Variants in GPC3 observed in about 807,000 individuals in gnomAD.
The protein encoded by GPC3 is glypican 3, also known as glypican-3.
GPC3 carries 3 observed loss-of-function variants against 34.4 expected under a neutral mutation model. That is an observed-to-expected ratio of 0.09 (90% confidence interval 0.04 to 0.23). The LOEUF (loss-of-function observed/expected upper bound fraction) is 0.23. Among genes scored for constraint, GPC3 ranks in the 10% least tolerant of loss-of-function variants. GPC3 has a pLI of 1.00. For synonymous variants in GPC3, 177 were observed against 174.0 expected, an observed-to-expected ratio of 1.02 and a Z score of -0.13; for missense variants, 351 against 445.6, an observed-to-expected ratio of 0.79 and a Z score of 1.91.
chrX:133,937,450 T>C (rs946695114), intron 2 of GPC3, among the ~76,000 whole-genome samples: 7 of 111,805 alleles, frequency 6.3e-5, no homozygotes, highest in African/African-American at 1.9e-4. Flanking sequence ...GTCCATCTTG[T>C]GATTACAAAT....
At chrX:133,655,353 T>C (rs1293005294) in intron 6 of GPC3, among the ~76,000 whole-genome samples, 1 of 111,079 alleles carries the variant, frequency 9.0e-6, no homozygotes, top group Non-Finnish European at 1.9e-5. Context: ...CATGAAATAA[T>C]GTTTAACTCC....
At chrX:133,687,299 G>A (rs868298927) in intron 5 of GPC3, among the ~76,000 whole-genome samples, 2 of 104,360 alleles carry the variant, frequency 1.9e-5, no homozygotes, top group East Asian at 3.0e-4. Flanking sequence ...CTTAGCAGGC[G>A]CAGGAGCTGG....
At chrX:133,940,844 T>A (rs1344974976) in intron 2 of GPC3, among the ~76,000 whole-genome samples, 2 of 112,556 alleles carry the variant, frequency 1.8e-5, no homozygotes, top group Non-Finnish European at 3.8e-5. Flanking sequence ...CTTTGATGCA[T>A]GAGATACTTT....
intron 7 of GPC3, among the ~76,000 whole-genome samples, chrX:133,557,224 G>A (rs2069498154): frequency 1.8e-5 from 2 of 111,246 alleles, no homozygotes; most frequent in Admixed American, 1.9e-4. Flanking sequence ...AACCTGGGAG[G>A]TGGAGCTTGC....
chrX:133,578,785 G>A (rs1228988667), intron 7 of GPC3, among the ~76,000 whole-genome samples: 1 of 111,262 alleles, frequency 9.0e-6, no homozygotes, highest in Non-Finnish European at 1.9e-5. Context: ...TCTTTTGGTG[G>A]TGTTTCCCTG....
At chrX:133,743,239 A>T (rs1160301660) in intron 3 of GPC3, among the ~76,000 whole-genome samples, 1 of 112,955 alleles carries the variant, frequency 8.9e-6, no homozygotes, top group Non-Finnish European at 1.9e-5. Context: ...ATGCTGGAAG[A>T]CATCTGCTCA....
At chrX:133,824,250 TA>T (rs753664330) in intron 2 of GPC3, among the ~76,000 whole-genome samples, 1 of 111,803 alleles carries the variant, frequency 8.9e-6, no homozygotes, top group East Asian at 2.8e-4. Flanking sequence ...GTAAATGGTC[TA>T]ACAATCCAAT....
chrX:133,591,698 AT>A (rs1282829354), intron 7 of GPC3, among the ~76,000 whole-genome samples: 1 of 112,167 alleles, frequency 8.9e-6, no homozygotes, highest in East Asian at 2.8e-4. Flanking sequence ...ATCTATTTAG[AT>A]TTTGAAAAGG....
chrX:133,844,464 T>C (rs993854418), intron 2 of GPC3, among the ~76,000 whole-genome samples: 9 of 111,301 alleles, frequency 8.1e-5, no homozygotes, highest in African/African-American at 2.6e-4. Context: ...GTGAGGTAGG[T>C]TGTACTTATT....
intron 2 of GPC3, among the ~76,000 whole-genome samples, chrX:133,895,793 A>G (rs1336203043): frequency 9.0e-6 from 1 of 111,117 alleles, no homozygotes; most frequent in African/African-American, 3.3e-5. Context: ...AATAAAAGCA[A>G]TCTATATATC....
chrX:133,819,964 A>T (rs1954874969), intron 2 of GPC3, among the ~76,000 whole-genome samples: 1 of 111,975 alleles, frequency 8.9e-6, no homozygotes, highest in Non-Finnish European at 1.9e-5. Flanking sequence ...ATCACACTAC[A>T]GTCCTTTCAG....
chrX:133,802,621 C>T (rs1307664138), intron 2 of GPC3, among the ~76,000 whole-genome samples: 2 of 112,344 alleles, frequency 1.8e-5, no homozygotes, highest in African/African-American at 6.5e-5. Flanking sequence ...CTCCGTATCT[C>T]ACAGGGCTAG....
In GPC3 at chrX:133,552,476, G is replaced by T. The variant is rs774688924; in HGVS notation, c.1574-16183C>A. 5.4e-5 allele frequency among the ~76,000 whole-genome samples: 6 copies of T among 111,483 alleles called. No homozygotes were observed. The South Asian group carries it at 2.3e-3, about 43-fold the overall frequency. On this transcript the variant is annotated intron_variant, in intron 7 of 7. Transcript: ENST00000370818. The stretch of plus-strand genomic sequence containing the variant: ...GACATAATTGTAGGGAAATAACCAC[G>T]GACCTGCCTGGAGTGGGGAGAAAAA...
chrX:133,871,466 A>C (rs918493928), intron 2 of GPC3, among the ~76,000 whole-genome samples: 1 of 111,923 alleles, frequency 8.9e-6, no homozygotes, highest in Non-Finnish European at 1.9e-5. Context: ...CATCATGCTC[A>C]GTGCTTTACA....
At chrX:133,664,837 G>A (rs188771962) in intron 5 of GPC3, among the ~76,000 whole-genome samples, 56 of 109,530 alleles carry the variant, frequency 5.1e-4, no homozygotes, top group African/African-American at 1.6e-3. Context: ...ATAGCCGGGC[G>A]TGGTGGTGCA....
At chrX:133,772,392 G>A (rs1185991037) in intron 2 of GPC3, among the ~76,000 whole-genome samples, 5 of 110,921 alleles carry the variant, frequency 4.5e-5, no homozygotes. Context: ...ACACCAACAC[G>A]GAGAAAGGTC....
At chrX:133,879,178 G>A (rs2076030489) in intron 2 of GPC3, among the ~76,000 whole-genome samples, 1 of 110,857 alleles carries the variant, frequency 9.0e-6, no homozygotes, top group Non-Finnish European at 1.9e-5. Flanking sequence ...GGGTATACCA[G>A]TAAATTATTT....
intron 3 of GPC3, among the ~76,000 whole-genome samples, chrX:133,717,601 C>T (rs1294065616): frequency 1.8e-5 from 2 of 110,848 alleles, no homozygotes; most frequent in Non-Finnish European, 3.8e-5. Flanking sequence ...CAATCACAAC[C>T]CTCTCACGAG....
intron 7 of GPC3, among the ~76,000 whole-genome samples, chrX:133,545,653 C>T (rs563918873): frequency 1.8e-5 from 2 of 111,719 alleles, no homozygotes; most frequent in South Asian, 7.7e-4. Context: ...AGTGCCACAA[C>T]ACCTCACCAG....
Sources: allele counts gnomAD v4.1 joint callset (sites outside exome capture counted in the v4.1 genomes callset), GRCh38; gene constraint gnomAD v4.1.1; transcripts MANE v1.5; gene names NCBI Gene and HGNC (gene_info 2026-07-23, HGNC 2026-07-21).